The following AFF2 variants were observed in gnomAD, a reference collection of about 807,000 sequenced individuals.
The protein encoded by AFF2 is AF4/FMR2 family member 2.
In AFF2, 14 loss-of-function variants were observed where a neutral mutation model predicts 76.9. That is an observed-to-expected ratio of 0.18 (90% CI 0.12 to 0.28). The LOEUF is 0.28. Ranked by LOEUF, AFF2 falls within the 10% of genes least tolerant of loss-of-function variation. AFF2 has a pLI of 1.00. For missense variants in AFF2, 868 were observed against 1,001.1 expected, an observed-to-expected ratio of 0.87 and a Z score of 1.79; for synonymous variants, 398 against 366.7, an observed-to-expected ratio of 1.09 and a Z score of -0.98.
At chrX:148,693,179 A>C (rs923416410) in intron 3 of AFF2, among the ~76,000 whole-genome samples, 1 of 111,545 alleles carries the variant, frequency 9.0e-6, no homozygotes, top group African/African-American at 3.3e-5. Context: ...GACCTCCCAA[A>C]GTGCTGGGAT....
Position 148,640,367 on chromosome X carries a change from A to C in AFF2, c.48-11632A>C, listed in dbSNP as rs782722196. Among the ~76,000 whole-genome samples, 10 of 111,986 alleles carry C rather than the reference A, an allele frequency of 8.9e-5. No homozygotes were observed. The Admixed American group carries it at 9.4e-4, about 11-fold the overall frequency. On this transcript the variant is annotated intron_variant, in intron 1 of 20. Transcript: ENST00000370460. ...TTGCCAGTTATTATCATTTTTAATA[A>C]ATAAGCCTTCTACCTTCTCCCTCCC...
At chrX:148,928,993 T>A (rs1439957879) in intron 9 of AFF2, among the ~76,000 whole-genome samples, 1 of 112,160 alleles carries the variant, frequency 8.9e-6, no homozygotes, top group East Asian at 2.8e-4. Context: ...AGTCAGTTGA[T>A]GGCCAGAGCC....
rs146859999 is a variant in AFF2, at chrX:148,816,637, G to A, written c.1086+6717G>A. On this transcript the variant is annotated intron_variant, in intron 4 of 20. Transcript: ENST00000370460. ...TGGACCAAGTTTGGGACACAGTCTC[G>A]AGAAGTAGGGAAGGCAGGACTGAAT... Among the ~76,000 whole-genome samples the A allele has an allele frequency of 5.6e-3, 629 of 111,329 alleles. 4 individuals carry two copies. Among genetic ancestry groups the A allele is most frequent in the Non-Finnish European group, 9.5e-3 (504 of 52,969 alleles).
At chrX:148,758,343 T>A (rs1176706004) in intron 3 of AFF2, among the ~76,000 whole-genome samples, 1 of 112,948 alleles carries the variant, frequency 8.9e-6, no homozygotes, top group African/African-American at 3.2e-5. Flanking sequence ...TAGCTGTTTT[T>A]GTGATTTTGC....
At chrX:148,675,289 AAAAAAG>A (rs1557259393) in intron 3 of AFF2, among the ~76,000 whole-genome samples, 1 of 111,447 alleles carries the variant, frequency 9.0e-6, no homozygotes, top group Non-Finnish European at 1.9e-5. Context: ...TGGAGAAAAA[AAAAAAG>A]GAGGCTGTAT....
At chrX:148,803,967 C>T (rs1557271127) in intron 3 of AFF2, among the ~76,000 whole-genome samples, 1 of 111,346 alleles carries the variant, frequency 9.0e-6, no homozygotes, top group Non-Finnish European at 1.9e-5. Flanking sequence ...CACTGGGACC[C>T]TGAATAGGAT....
intron 1 of AFF2, among the ~76,000 whole-genome samples, chrX:148,644,937 T>A (rs1424688996): frequency 8.9e-6 from 1 of 112,194 alleles, no homozygotes; most frequent in Non-Finnish European, 1.9e-5. Flanking sequence ...GCCAAAATTG[T>A]GAACCAAGTG....
intron 8 of AFF2, among the ~76,000 whole-genome samples, chrX:148,901,497 G>A (rs1557280876): frequency 1.8e-5 from 2 of 111,990 alleles, no homozygotes; most frequent in Non-Finnish European, 3.8e-5. Context: ...AAAATTAGCT[G>A]CAATCCCAAT....
intron 3 of AFF2, among the ~76,000 whole-genome samples, chrX:148,781,610 G>T (rs1343045567): frequency 8.9e-6 from 1 of 111,993 alleles, no homozygotes; most frequent in African/African-American, 3.2e-5. Context: ...AGAATTTCAA[G>T]CCAGTGGATC....
At chrX:148,688,753 A>C (rs1247437181) in intron 3 of AFF2, among the ~76,000 whole-genome samples, 1 of 107,954 alleles carries the variant, frequency 9.3e-6, no homozygotes, top group Admixed American at 9.6e-5. Flanking sequence ...CATACCACAC[A>C]CCTAGGTTGT....
At chrX:148,505,820 A>G (rs1557232424) in intron 1 of AFF2, among the ~76,000 whole-genome samples, 1 of 111,948 alleles carries the variant, frequency 8.9e-6, no homozygotes, top group Admixed American at 9.5e-5. Flanking sequence ...TTCACTTGTA[A>G]TTTTGTTTTT....
intron 1 of AFF2, among the ~76,000 whole-genome samples, chrX:148,602,434 A>G (rs1453463548): frequency 2.7e-5 from 3 of 109,096 alleles, no homozygotes; most frequent in African/African-American, 1.0e-4. Context: ...TTCCATATGG[A>G]GAATGGATTG....
chrX:148,822,846 C>A (rs1169436147), intron 4 of AFF2, among the ~76,000 whole-genome samples: 1 of 110,664 alleles, frequency 9.0e-6, no homozygotes, highest in African/African-American at 3.3e-5. Context: ...CTTTTCCTGG[C>A]AACATGTTAA....
intron 3 of AFF2, among the ~76,000 whole-genome samples, chrX:148,804,488 G>C (rs941348686): frequency 7.1e-5 from 8 of 112,616 alleles, no homozygotes; most frequent in Non-Finnish European, 1.5e-4. Flanking sequence ...GGCTTAAAAA[G>C]ACATGTGTTA....
At chrX:148,551,976 A>G (rs1424571963) in intron 1 of AFF2, among the ~76,000 whole-genome samples, 1 of 112,359 alleles carries the variant, frequency 8.9e-6, no homozygotes, top group Non-Finnish European at 1.9e-5. Flanking sequence ...TCTGGACACC[A>G]ATACTCCGGA....
At chrX:148,891,345 CA>C in intron 8 of AFF2, among the ~76,000 whole-genome samples, 1 of 111,692 alleles carries the variant, frequency 9.0e-6, no homozygotes. Flanking sequence ...AACCTGGAAT[CA>C]ATTTTCATTT....
chrX:148,789,469 C>CAA (rs1216407475), intron 3 of AFF2, among the ~76,000 whole-genome samples: 1 of 111,353 alleles, frequency 9.0e-6, no homozygotes, highest in Non-Finnish European at 1.9e-5. Flanking sequence ...CAGAATAGAC[C>CAA]AAATACACTA....
intron 7 of AFF2, among the ~76,000 whole-genome samples, chrX:148,856,804 C>A (rs1218298489): frequency 8.9e-6 from 1 of 112,476 alleles, no homozygotes; most frequent in African/African-American, 3.2e-5. Context: ...TCAGGTGGAA[C>A]AAATTCTTTT....
At chrX:148,983,201 C>T (rs1255975057) in intron 19 of AFF2, among the ~76,000 whole-genome samples, 2 of 111,867 alleles carry the variant, frequency 1.8e-5, no homozygotes, top group Admixed American at 9.4e-5. Flanking sequence ...GCAACAATTT[C>T]GAATGTCACA....
Sources: allele counts gnomAD v4.1 joint callset (sites outside exome capture counted in the v4.1 genomes callset), GRCh38; gene constraint gnomAD v4.1.1; transcripts MANE v1.5; gene names NCBI Gene and HGNC (gene_info 2026-07-23, HGNC 2026-07-21).